Variants in KHDRBS2 observed in about 807,000 individuals in gnomAD.
KHDRBS2 encodes the protein KH domain-containing, RNA-binding, signal transduction-associated protein 2.
In KHDRBS2, 26 loss-of-function variants were observed where a neutral mutation model predicts 44.3. The ratio of observed to expected loss-of-function variants is 0.59; its 90% confidence interval spans 0.43 to 0.81. The LOEUF (loss-of-function observed/expected upper bound fraction) is 0.81. Ranked by LOEUF, KHDRBS2 falls within the 40% of genes least tolerant of loss-of-function variation. KHDRBS2 has a pLI of 0.00. For synonymous variants in KHDRBS2, 194 were observed against 151.1 expected, an observed-to-expected ratio of 1.28 and a Z score of -2.08; for missense variants, 476 against 433.1, an observed-to-expected ratio of 1.10 and a Z score of -0.88.
the KHDRBS2 span, among the ~76,000 whole-genome samples, chr6:61,660,189 A>G: frequency 6.6e-6 from 1 of 151,792 alleles, no homozygotes; most frequent in East Asian, 1.9e-4. Context: ...AGTGAATTCC[A>G]AAGAGAGTGT....
chr6:61,875,159 A>T (rs571709850), intron 6 of KHDRBS2, among the ~76,000 whole-genome samples: 3 of 150,340 alleles, frequency 2.0e-5, no homozygotes. Flanking sequence ...TAAATGTGTG[A>T]GTTCGTGTGT....
the KHDRBS2 span, among the ~76,000 whole-genome samples, chr6:61,628,482 G>A: frequency 1.3e-5 from 2 of 151,942 alleles, no homozygotes; most frequent in African/African-American, 2.4e-5. Context: ...TGTCTCCTAC[G>A]TACCTCTTCA....
chr6:62,248,925 G>A (rs1202342188), intron 1 of KHDRBS2, among the ~76,000 whole-genome samples: 1 of 151,958 alleles, frequency 6.6e-6, no homozygotes, highest in African/African-American at 2.4e-5. Context: ...TAAGAACCTG[G>A]GATAGAGAGA....
At chr6:61,917,559 T>C (rs746903671) in intron 4 of KHDRBS2, among the ~76,000 whole-genome samples, 10 of 151,952 alleles carry the variant, frequency 6.6e-5, no homozygotes, top group Non-Finnish European at 1.3e-4. Flanking sequence ...GATACTATAA[T>C]TGCAGATAGA....
rs1768388892 is a variant in KHDRBS2 at position 61,960,396 on chromosome 6, T to C, written c.483+17670A>G. 3.3e-5 allele frequency among the ~76,000 whole-genome samples: 5 copies of C among 152,260 alleles called. No individual in the cohort carries two copies. In the South Asian group the frequency reaches 1.0e-3, roughly 32 times the overall value. ...GTGTTAAATATTTTTCTAATGTATA[T>C]TTTTAAAGCAACATAGGAAAAAATT... On this transcript the variant is annotated intron_variant, in intron 4 of 8. Transcript: ENST00000281156.
At chr6:61,963,727 C>A (rs1312014374) in intron 4 of KHDRBS2, among the ~76,000 whole-genome samples, 1 of 152,064 alleles carries the variant, frequency 6.6e-6, no homozygotes, top group Non-Finnish European at 1.5e-5. Flanking sequence ...GACACATAGC[C>A]GGCAGGATTT....
chr6:62,057,170 T>G (rs1478084677), intron 2 of KHDRBS2, among the ~76,000 whole-genome samples: 1 of 151,952 alleles, frequency 6.6e-6, no homozygotes, highest in Non-Finnish European at 1.5e-5. Flanking sequence ...TTTTAAAATT[T>G]ATAAAAGTAC....
At chr6:61,781,246 A>G (rs1782884153) in intron 6 of KHDRBS2, among the ~76,000 whole-genome samples, 3 of 152,168 alleles carry the variant, frequency 2.0e-5, no homozygotes, top group Admixed American at 1.3e-4. Flanking sequence ...TTAGCATCCC[A>G]GTAACTCTCA....
intron 1 of KHDRBS2, among the ~76,000 whole-genome samples, chr6:62,179,986 C>G (rs1038778281): frequency 2.0e-5 from 3 of 151,936 alleles, no homozygotes; most frequent in Non-Finnish European, 4.4e-5. Context: ...ATATGCCAAA[C>G]TTGCCTGAGT....
chr6:62,029,562 C>T (rs374361256), intron 3 of KHDRBS2, among the ~76,000 whole-genome samples: 27 of 152,002 alleles, frequency 1.8e-4, no homozygotes, highest in African/African-American at 4.3e-4. Context: ...CAATAGGCCA[C>T]GGAGACAAAC....
intron 1 of KHDRBS2, among the ~76,000 whole-genome samples, chr6:62,253,356 A>G (rs1370271022): frequency 6.6e-6 from 1 of 151,978 alleles, no homozygotes; most frequent in African/African-American, 2.4e-5. Context: ...TGTCCTCTAT[A>G]TGGTCCTCCC....
At chr6:61,951,708 C>T (rs961023220) in intron 4 of KHDRBS2, among the ~76,000 whole-genome samples, 1 of 152,048 alleles carries the variant, frequency 6.6e-6, no homozygotes, top group Non-Finnish European at 1.5e-5. Context: ...CTCACAGGAG[C>T]CACTGATCTT....
At chr6:61,601,058 A>G in the KHDRBS2 span, among the ~76,000 whole-genome samples, 1 of 152,242 alleles carries the variant, frequency 6.6e-6, no homozygotes, top group Non-Finnish European at 1.5e-5. Context: ...CACTGCAGGG[A>G]TGCCTGCCTT....
chr6:61,580,661 C>G, the KHDRBS2 span, among the ~76,000 whole-genome samples: 1 of 151,990 alleles, frequency 6.6e-6, no homozygotes, highest in Non-Finnish European at 1.5e-5. Flanking sequence ...AGACACCAGA[C>G]CATGAACCCA....
chr6:61,838,512 A>C (rs1207724345), intron 6 of KHDRBS2, among the ~76,000 whole-genome samples: 1 of 152,042 alleles, frequency 6.6e-6, no homozygotes, highest in African/African-American at 2.4e-5. Context: ...AATAATAAAA[A>C]CATCTTATTG....
the KHDRBS2 span, among the ~76,000 whole-genome samples, chr6:61,600,629 G>A: frequency 9.9e-5 from 15 of 152,060 alleles, no homozygotes; most frequent in East Asian, 1.9e-4. Context: ...ACATGGACGC[G>A]AGTGAAATTT....
chr6:62,259,303 G>T (rs1837946541), intron 1 of KHDRBS2, among the ~76,000 whole-genome samples: 1 of 151,614 alleles, frequency 6.6e-6, no homozygotes, highest in Non-Finnish European at 1.5e-5. Flanking sequence ...TATAATTTTT[G>T]TTCTATGATT....
At position 61,848,540 on chromosome 6, in the gene KHDRBS2, T is replaced by C. The variant is rs9445497; in HGVS notation, c.810+46095A>G. On this transcript the variant is annotated intron_variant, in intron 6 of 8. Coordinates refer to ENST00000281156, the MANE Select transcript of KHDRBS2 (RefSeq NM_152688.4). ...ATATGTATATATATATACATATATATGTATATATATACATATATATATGTA... is the reference window on the plus strand; with the variant it reads ...ATATGTATATATATATACATATATACGTATATATATACATATATATATGTA... Among the ~76,000 whole-genome samples the C allele has an allele frequency of 2.7e-4, 15 of 54,664 alleles. 1 individual carries two copies. Among genetic ancestry groups the C allele is most frequent in the South Asian group, 1.3e-3 (2 of 1,546 alleles). The allele number at this position is 54,664 out of a possible 152,430, so 35.9% of individuals were successfully genotyped here.
the KHDRBS2 span, among the ~76,000 whole-genome samples, chr6:61,671,813 T>C: frequency 6.6e-6 from 1 of 151,678 alleles, no homozygotes; most frequent in Non-Finnish European, 1.5e-5. Context: ...ATATTTCTAG[T>C]TTGAAATTGA....
Sources: gnomAD v4.1 joint callset for allele counts (sites outside exome capture counted in the v4.1 genomes callset) on GRCh38, gnomAD v4.1.1 for gene constraint, MANE v1.5 for transcripts, NCBI Gene and HGNC (gene_info 2026-07-23, HGNC 2026-07-21) for gene names.